The following SP140 variants were observed in gnomAD, a reference collection of about 807,000 sequenced individuals.
SP140 encodes nuclear body protein SP140.
SP140 carries 81 observed loss-of-function variants against 125.0 expected under a neutral mutation model. The observed-to-expected ratio is 0.65, with a 90% confidence interval of 0.54 to 0.78. The LOEUF is 0.78. SP140 is among the 30% of genes least tolerant of loss of function. The probability of loss-of-function intolerance (pLI) is 0.00; values close to 1 mark genes in which losing one functional copy is unlikely to be tolerated. For synonymous variants in SP140, 312 were observed against 354.0 expected (o/e 0.88, Z 1.33); for missense variants, 858 against 1,037.0 (o/e 0.83, Z 2.37).
intron 19 of SP140, among the ~76,000 whole-genome samples, 191 bp downstream of exon 19, chr2:230,290,755 A>G (rs1436752199): frequency 3.9e-5 from 6 of 152,232 alleles, no homozygotes; most frequent in Admixed American, 6.5e-5. Flanking sequence ...TCACTTGCAC[A>G]TGGAATGTCC....
At chr2:230,216,396 G>A (rs533724054) in intron 3 of SP140, among the ~76,000 whole-genome samples, 2 of 152,278 alleles carry the variant, frequency 1.3e-5, no homozygotes, top group Non-Finnish European at 2.9e-5. Flanking sequence ...CATCTACAAG[G>A]CAAGGAACAC....
At chr2:230,264,681 T>C (rs970744526) in intron 12 of SP140, among the ~76,000 whole-genome samples, 1 of 152,216 alleles carries the variant, frequency 6.6e-6, no homozygotes, top group African/African-American at 2.4e-5. Flanking sequence ...TGATGTACTA[T>C]TCTCCTCCTT....
chr2:230,245,894 A>G lies in SP140; in HGVS notation c.696A>G (p.Glu232=). 6.2e-7 allele frequency: 1 copy of G among 1,607,318 alleles called. No homozygotes were observed. The change falls in exon 7 of 27, where the codon GAA becomes GAG. Residue 232 remains glutamate, a synonymous_variant. Coordinates refer to ENST00000392045, the MANE Select transcript of SP140 (RefSeq NM_007237.5). ...VSCKLAIQID[E]GESEEMPKLL... is the part of the protein sequence containing the mutation. The stretch of plus-strand genomic sequence containing the variant: ...GTAAACTTGCTATACAAATAGATGA[A>G]GGAGAATCAGAAGAAATGCCCAAGT...
chr2:230,259,608 AC>A (rs1156779138), intron 12 of SP140, among the ~76,000 whole-genome samples: 26 of 150,698 alleles, frequency 1.7e-4, no homozygotes, highest in Admixed American at 1.7e-3. Flanking sequence ...AATTGCTTGA[AC>A]CCGGGAGGTG....
intron 4 of SP140, among the ~76,000 whole-genome samples, chr2:230,242,692 T>C (rs1232210058): frequency 6.6e-6 from 1 of 152,166 alleles, no homozygotes; most frequent in Non-Finnish European, 1.5e-5. Context: ...TATTATCCCA[T>C]GGTTTTTCAA....
chr2:230,285,699 C>G (rs1373908452), intron 16 of SP140, 53 bp from the exon 17 acceptor site: 3 of 1,428,656 alleles, frequency 2.1e-6, no homozygotes, highest in East Asian at 2.3e-5. Context: ...TCCTGCCTGA[C>G]AGCTGTTGTT....
At chr2:230,245,186 G>C in intron 6 of SP140, 106 bp downstream of exon 6, 1 of 728,080 alleles carries the variant, frequency 1.4e-6, no homozygotes, top group Non-Finnish European at 2.3e-6. Flanking sequence ...ACACACTTTT[G>C]TTCAGCCTGT....
chr2:230,310,101 A>T (rs1401422060), intron 23 of SP140, 62 bp downstream of exon 23: 1 of 1,517,664 alleles, frequency 6.6e-7, no homozygotes, highest in African/African-American at 1.4e-5. Flanking sequence ...TGCCATGCGC[A>T]CTCTCCAGCA....
rs1255827334 is a variant in SP140, at chr2:230,225,891, A to G, written c.47A>G (p.Asn16Ser). 1 of 1,613,672 alleles carries G rather than the reference A, an allele frequency of 6.2e-7. No individual in the cohort carries two copies. Among genetic ancestry groups the G allele is most frequent in the Non-Finnish European group, 8.5e-7 (1 of 1,179,620 alleles). Residue 16 changes from asparagine to serine, a missense_variant, in exon 1 of 27, where the codon AAT (asparagine) becomes AGT (serine). Physicochemically the swap from Asn to Ser is conservative, Grantham distance 46. Around this residue, in one of 4 missense-constraint regions of SP140, gnomAD observed 791 missense variants for 869.5 expected, o/e 0.91. Transcript: ENST00000392045. The stretch of plus-strand genomic sequence containing the variant: ...GGGCAGATGGCAAGTGGAGACAGCA[A>G]TCTCAACTTCAGGTGGGTCATCGTC... ...QQGQMASGDS[N>S]LNFRMVAEIQ...
upstream of SP140, chr2:230,200,892 G>A: frequency 6.2e-7 from 1 of 1,611,568 alleles, no homozygotes; most frequent in Non-Finnish European, 8.5e-7. Context: ...TACCTTGTGT[G>A]ACCCTTCGTG....
At chr2:230,296,208 T>G (rs1047966244) in intron 21 of SP140, among the ~76,000 whole-genome samples, 1 of 152,210 alleles carries the variant, frequency 6.6e-6, no homozygotes, top group Non-Finnish European at 1.5e-5. Flanking sequence ...ATCATAGCAC[T>G]CCAGCCTAGG....
chr2:230,247,095 C>T (rs1266845800), intron 7 of SP140, among the ~76,000 whole-genome samples: 1 of 152,142 alleles, frequency 6.6e-6, no homozygotes, highest in Non-Finnish European at 1.5e-5. Context: ...CAGAGGCAGT[C>T]GACCTCCCCC....
At chr2:230,276,534 G>A (rs2054735058) in intron 15 of SP140, among the ~76,000 whole-genome samples, 1 of 152,170 alleles carries the variant, frequency 6.6e-6, no homozygotes, top group Admixed American at 6.5e-5. Flanking sequence ...CAGGAGCTCT[G>A]ATGGAGATGT....
At chr2:230,236,541 G>A (rs2048037962) in intron 1 of SP140, among the ~76,000 whole-genome samples, 1 of 152,188 alleles carries the variant, frequency 6.6e-6, no homozygotes, top group Non-Finnish European at 1.5e-5. Flanking sequence ...AGAGCTGATG[G>A]TGCAGCTCCA....
Position 230,245,959 on chromosome 2 carries a change from A to G in SP140, c.742+19A>G, listed in dbSNP as rs2049383011. On this transcript the variant is annotated intron_variant, in intron 7 of 26. Coordinates refer to ENST00000392045, the MANE Select transcript of SP140 (RefSeq NM_007237.5). ...ACAGAAGGTAATTAGGATTTAAATT[A>G]AAGCTTTATTTTTCTGTCAACATAC... The G allele has an allele frequency of 6.8e-7, 1 of 1,479,432 alleles. No homozygotes were observed. Among genetic ancestry groups the G allele is most frequent in the East Asian group, 2.3e-5 (1 of 44,290 alleles). 91.6% of individuals were successfully genotyped at this position (1,479,432 alleles called of 1,614,324 possible).
At chr2:230,300,441 A>C (rs1339768910) in intron 22 of SP140, among the ~76,000 whole-genome samples, 3 of 152,138 alleles carry the variant, frequency 2.0e-5, no homozygotes, top group Non-Finnish European at 4.4e-5. Flanking sequence ...GCTGGTACCC[A>C]TGACTGGGAG....
chr2:230,192,500 C>T, the SP140 span, among the ~76,000 whole-genome samples: 3 of 152,080 alleles, frequency 2.0e-5, no homozygotes, highest in Admixed American at 2.0e-4. Context: ...AATAGGCAAG[C>T]AGAGAGCCAA....
chr2:230,229,994 G>T (rs536517204), intron 1 of SP140, among the ~76,000 whole-genome samples: 35 of 151,452 alleles, frequency 2.3e-4, no homozygotes, highest in African/African-American at 8.2e-4. Context: ...TTCGTATTCT[G>T]CAGTTTGAAT....
rs759964136 is a variant in SP140, at chr2:230,292,686, G to T, written c.1866G>T (p.Trp622Cys). ...VKCIQTEDGK[W>C]FTPTEFEIKG... ...GTATACAGACTGAGGATGGAAAATG[G>T]TTCACCCCCACGGAATTTGAAATCA... The change falls in exon 20 of 27, where the codon TGG becomes TGT. Residue 622 changes from tryptophan (W) to cysteine (C), a missense_variant. By Grantham distance (215) the Trp-to-Cys change is radical. Coordinates refer to ENST00000392045, the MANE Select transcript of SP140 (RefSeq NM_007237.5). 1.2e-6 allele frequency: 2 copies of T among 1,614,170 alleles called. No individual in the cohort carries two copies. Among genetic ancestry groups the T allele is most frequent in the South Asian group, 1.1e-5 (1 of 91,084 alleles).
Sources: gnomAD v4.1 joint callset for allele counts (sites outside exome capture counted in the v4.1 genomes callset) on GRCh38, gnomAD v4.1.1 for gene constraint, gnomAD v4.1.1 regional missense constraint, MANE v1.5 for transcripts, NCBI Gene and HGNC (gene_info 2026-07-23, HGNC 2026-07-21) for gene names.